NPIPB11: variants seen among roughly 807,000 people sequenced by gnomAD.
NPIPB11 encodes nuclear pore complex interacting protein family member B11, also known as nuclear pore complex-interacting protein family member B11.
In NPIPB11, 17 loss-of-function variants were observed where a neutral mutation model predicts 32.8. That is an observed-to-expected ratio of 0.52 (90% CI 0.35 to 0.78). The LOEUF (loss-of-function observed/expected upper bound fraction) is 0.78. Ranked by LOEUF, NPIPB11 falls within the 30% of genes least tolerant of loss-of-function variation. NPIPB11 has a pLI of 0.01. For missense variants in NPIPB11, 537 were observed against 1,000.4 expected, an observed-to-expected ratio of 0.54 and a Z score of 6.25; for synonymous variants, 209 against 398.4, an observed-to-expected ratio of 0.52 and a Z score of 5.66.
At chr16:29,397,550 G>C in intron 2 of NPIPB11, 8 of 1,525,960 alleles carry the variant, frequency 5.2e-6, no homozygotes, top group Non-Finnish European at 7.1e-6. Context: ...AAACCCCGAG[G>C]GTCCAGCGTC....
At chr16:29,389,668 G>GAAAGAAAAAA (rs1262451402) in intron 5 of NPIPB11, among the ~76,000 whole-genome samples, 1 of 17,298 alleles carries the variant, frequency 5.8e-5, no homozygotes, top group Admixed American at 7.6e-4. Flanking sequence ...TCCATCTCAG[G>GAAAGAAAAAA]AAAAAAAAAA....
intron 2 of NPIPB11, among the ~76,000 whole-genome samples, chr16:29,401,578 C>T (rs1466999819): frequency 6.6e-6 from 1 of 152,162 alleles, no homozygotes; most frequent in Non-Finnish European, 1.5e-5. Context: ...CACAGTCTCC[C>T]ATGTAGGCTG....
At chr16:29,390,069 C>G in exon 5 of NPIPB11, 2 of 1,587,056 alleles carry the variant, frequency 1.3e-6, no homozygotes, top group Non-Finnish European at 8.5e-7. Flanking sequence ...TGACGTCTTT[C>G]AGGCCAATTT....
At chr16:29,390,440 G>A in intron 3 of NPIPB11, 92 bp from the exon 4 acceptor site, 2 of 1,586,216 alleles carry the variant, frequency 1.3e-6, no homozygotes, top group Non-Finnish European at 1.7e-6. Context: ...GTGGATCACG[G>A]GGTCAGGAGC....
chr16:29,400,927 C>T (rs972060524), intron 2 of NPIPB11, among the ~76,000 whole-genome samples: 68 of 152,208 alleles, frequency 4.5e-4, no homozygotes, highest in Non-Finnish European at 7.6e-4. Flanking sequence ...TCCCCACAGA[C>T]GATTCCCTGT....
intron 3 of NPIPB11, among the ~76,000 whole-genome samples, chr16:29,393,593 T>A (rs1225716001): frequency 6.6e-6 from 1 of 150,864 alleles, no homozygotes; most frequent in Non-Finnish European, 1.5e-5. Flanking sequence ...GAGAGGAGAT[T>A]GGAAGCTTTC....
intron 3 of NPIPB11, among the ~76,000 whole-genome samples, chr16:29,393,474 A>G (rs1271796324): frequency 6.6e-6 from 1 of 152,096 alleles, no homozygotes; most frequent in East Asian, 1.9e-4. Flanking sequence ...ACCACCCGGC[A>G]GTTCTAGCAG....
At chr16:29,397,509 T>A (rs1385376845) in intron 2 of NPIPB11, 7 of 1,474,320 alleles carry the variant, frequency 4.7e-6, no homozygotes, top group Non-Finnish European at 5.5e-6. Flanking sequence ...TGTAATTTCA[T>A]GCCGCGTGAC....
exon 8 of NPIPB11, chr16:29,382,303 G>A (rs74781084): frequency 1.3e-6 from 2 of 1,592,736 alleles, no homozygotes; most frequent in Non-Finnish European, 8.5e-7. Flanking sequence ...ACGCTCGGCA[G>A]GTGTCTTGAT....
At chr16:29,405,633 G>A (rs1258244684), upstream of NPIPB11, among the ~76,000 whole-genome samples, 6 of 152,098 alleles carry the variant, frequency 3.9e-5, no homozygotes, top group Admixed American at 2.6e-4. Flanking sequence ...TGGAGACCTT[G>A]CATCCAATCA....
upstream of NPIPB11, among the ~76,000 whole-genome samples, chr16:29,405,304 C>G (rs1457348801): frequency 6.6e-6 from 1 of 151,718 alleles, no homozygotes; most frequent in Non-Finnish European, 1.5e-5. Flanking sequence ...CTTTTCTGCC[C>G]TCCAAGACTG....
intron 2 of NPIPB11, among the ~76,000 whole-genome samples, chr16:29,403,161 T>C (rs1317011848): frequency 4.3e-4 from 62 of 144,972 alleles, no homozygotes; most frequent in East Asian, 8.2e-4. Flanking sequence ...CACTAAAACC[T>C]CCACCTCCTG....
intron 2 of NPIPB11, among the ~76,000 whole-genome samples, chr16:29,402,473 G>A (rs1303748257): frequency 7.7e-5 from 8 of 104,034 alleles, no homozygotes; most frequent in Admixed American, 2.0e-4. Flanking sequence ...GGGAGGCCAC[G>A]GTGGGCAGAT....
chr16:29,400,177 G>A (rs914986903), intron 2 of NPIPB11, among the ~76,000 whole-genome samples: 3 of 150,012 alleles, frequency 2.0e-5, no homozygotes, highest in Non-Finnish European at 4.4e-5. Flanking sequence ...AAAGTGAATG[G>A]CAGAGAGTAC....
upstream of NPIPB11, among the ~76,000 whole-genome samples, chr16:29,406,529 T>C (rs1321935579): frequency 1.3e-5 from 2 of 152,110 alleles, no homozygotes; most frequent in African/African-American, 4.8e-5. Flanking sequence ...ACCAGCCTAA[T>C]AGAGTGAAAC....
intron 2 of NPIPB11, among the ~76,000 whole-genome samples, chr16:29,401,201 A>G (rs961898857): frequency 6.6e-6 from 1 of 152,178 alleles, no homozygotes; most frequent in Non-Finnish European, 1.5e-5. Context: ...GCAATCTGAA[A>G]GGAACAGGAG....
chr16:29,390,655 C>CACACACAA (rs1963696262), intron 3 of NPIPB11, among the ~76,000 whole-genome samples: 1 of 149,572 alleles, frequency 6.7e-6, no homozygotes, highest in Non-Finnish European at 1.5e-5. Context: ...CTGTCACATA[C>CACACACAA]ACACACACAC....
At chr16:29,402,740 G>C (rs1180373132) in intron 2 of NPIPB11, among the ~76,000 whole-genome samples, 1,955 of 145,422 alleles carry the variant, frequency 0.013, 55 homozygotes, top group African/African-American at 0.052. Flanking sequence ...GTGTGTGTGT[G>C]TGTGTGTGTG....
intron 3 of NPIPB11, among the ~76,000 whole-genome samples, chr16:29,391,725 A>C (rs1963727702): frequency 1.3e-5 from 2 of 152,110 alleles, no homozygotes; most frequent in Admixed American, 6.6e-5. Flanking sequence ...GTAGTCATTG[A>C]AATGACTTTT....
Sources: allele counts gnomAD v4.1 joint callset (sites outside exome capture counted in the v4.1 genomes callset), GRCh38; gene constraint gnomAD v4.1.1; transcripts MANE v1.5; gene names NCBI Gene and HGNC (gene_info 2026-07-23, HGNC 2026-07-21).